The following ANK1 variants were observed in gnomAD, a reference collection of about 807,000 sequenced individuals.
ANK1 encodes the protein ankyrin-1.
A neutral mutation model predicts 210.4 loss-of-function variants in ANK1; 51 were observed. That is an observed-to-expected ratio of 0.24 (90% CI 0.19 to 0.31). The LOEUF is 0.31. Ranked by LOEUF, ANK1 falls within the 10% of genes least tolerant of loss-of-function variation. ANK1 has a pLI of 1.00. For synonymous variants in ANK1, 967 were observed against 1,025.9 expected (o/e 0.94, Z 1.10); for missense variants, 2,051 against 2,504.4 (o/e 0.82, Z 3.86).
At chr8:41,758,949 T>G (rs1839824264) in intron 1 of ANK1, among the ~76,000 whole-genome samples, 1 of 152,040 alleles carries the variant, frequency 6.6e-6, no homozygotes, top group Non-Finnish European at 1.5e-5. Context: ...CAGGATGGTC[T>G]CGAACTCCTG....
At chr8:41,853,615 A>C (rs1811646729) in intron 1 of ANK1, among the ~76,000 whole-genome samples, 1 of 152,170 alleles carries the variant, frequency 6.6e-6, no homozygotes, top group African/African-American at 2.4e-5. Context: ...AGACTAGAAT[A>C]AACTGGTTCT....
chr8:41,755,924 C>G (rs1839032893), intron 2 of ANK1, among the ~76,000 whole-genome samples: 1 of 152,148 alleles, frequency 6.6e-6, no homozygotes, highest in Admixed American at 6.5e-5. Flanking sequence ...AAATTCCAGT[C>G]AGGTCCACAT....
At chr8:41,701,828 C>A (rs1228454724) in intron 21 of ANK1, among the ~76,000 whole-genome samples, 1 of 152,220 alleles carries the variant, frequency 6.6e-6, no homozygotes, top group Non-Finnish European at 1.5e-5. Flanking sequence ...AAACCCCATC[C>A]ACTCCACTGC....
At chr8:41,768,636 G>A (rs1372967497) in intron 1 of ANK1, among the ~76,000 whole-genome samples, 1 of 152,136 alleles carries the variant, frequency 6.6e-6, no homozygotes, top group Non-Finnish European at 1.5e-5. Flanking sequence ...GGCCGCACCA[G>A]CAAGATTCCT....
chr8:41,761,801 A>G (rs890043748), intron 1 of ANK1, among the ~76,000 whole-genome samples: 2 of 152,144 alleles, frequency 1.3e-5, no homozygotes, highest in Non-Finnish European at 2.9e-5. Flanking sequence ...TCCCTAGGGC[A>G]TCAGCAGTAG....
At chr8:41,715,583 C>A (rs1390562369) in intron 14 of ANK1, 69 bp downstream of exon 14, 3 of 1,576,832 alleles carry the variant, frequency 1.9e-6, no homozygotes, top group Admixed American at 3.4e-5. Context: ...GGCAGGAATT[C>A]CCCTCCGAGC....
intron 3 of ANK1, among the ~76,000 whole-genome samples, chr8:41,729,321 TG>T (rs1831516897): frequency 6.6e-6 from 1 of 152,214 alleles, no homozygotes; most frequent in African/African-American, 2.4e-5. Context: ...TTTTAAACTT[TG>T]TAAAAGATAA....
At chr8:41,769,977 C>CTTTTT (rs59542968) in intron 1 of ANK1, among the ~76,000 whole-genome samples, 51 of 86,638 alleles carry the variant, frequency 5.9e-4, no homozygotes, top group African/African-American at 8.4e-4. Flanking sequence ...TTTCTTTTTT[C>CTTTTT]TTTTTTTTTT....
intron 26 of ANK1, among the ~76,000 whole-genome samples, chr8:41,695,595 G>A (rs117538695): frequency 0.014 from 2,107 of 152,336 alleles, 21 homozygotes; most frequent in South Asian, 0.024. Flanking sequence ...CTGCTCCTAC[G>A]ACCTAAAGAT....
At chr8:41,670,468 G>C (rs1204693041) in intron 38 of ANK1, among the ~76,000 whole-genome samples, 1 of 152,126 alleles carries the variant, frequency 6.6e-6, no homozygotes, top group Non-Finnish European at 1.5e-5. Context: ...ATAAATGCTT[G>C]TTGAAGGAAT....
At chr8:41,729,953 C>G (rs563273325) in intron 3 of ANK1, among the ~76,000 whole-genome samples, 1 of 152,338 alleles carries the variant, frequency 6.6e-6, no homozygotes, top group East Asian at 1.9e-4. Context: ...GGTCCATGGT[C>G]GGACCCATCT....
chr8:41,857,341 T>C (rs1018521575), intron 1 of ANK1, among the ~76,000 whole-genome samples: 1 of 151,690 alleles, frequency 6.6e-6, no homozygotes, highest in Non-Finnish European at 1.5e-5. Flanking sequence ...CTCATGCCTA[T>C]AATCCCAGCA....
At chr8:41,718,496 G>C (rs1228703556) in intron 10 of ANK1, among the ~76,000 whole-genome samples, 1 of 152,130 alleles carries the variant, frequency 6.6e-6, no homozygotes, top group Non-Finnish European at 1.5e-5. Flanking sequence ...AAAAGATCCT[G>C]CCATTTAAAG....
intron 1 of ANK1, among the ~76,000 whole-genome samples, chr8:41,895,303 C>A (rs1820261784): frequency 6.6e-6 from 1 of 152,004 alleles, no homozygotes; most frequent in Non-Finnish European, 1.5e-5. Flanking sequence ...TCGACTTCTT[C>A]GGGTGAAAAT....
chr8:41,858,629 C>T (rs1438043099), intron 1 of ANK1, among the ~76,000 whole-genome samples: 1 of 152,220 alleles, frequency 6.6e-6, no homozygotes, highest in African/African-American at 2.4e-5. Context: ...GAGCCTAGCT[C>T]AGGCACCAGG....
At chr8:41,719,893 T>C in intron 9 of ANK1, 35 bp from the exon 10 acceptor site, 1 of 1,609,158 alleles carries the variant, frequency 6.2e-7, no homozygotes. Context: ...AATCACAAAG[T>C]CTTCTGGGGA....
chr8:41,700,402 G>T, intron 22 of ANK1: 3 of 1,609,618 alleles, frequency 1.9e-6, no homozygotes, highest in Non-Finnish European at 2.6e-6. Context: ...AGTGAGAAAA[G>T]ACCACAGTAA....
chr8:41,719,901 G>T (rs1205621274), intron 9 of ANK1, 43 bp from the exon 10 acceptor site: 2 of 1,603,552 alleles, frequency 1.2e-6, no homozygotes, highest in South Asian at 1.1e-5. Context: ...AGTCTTCTGG[G>T]GACCGAGCAT....
chr8:41,821,791 T>TAA (rs1308075599), intron 1 of ANK1, among the ~76,000 whole-genome samples: 1 of 152,178 alleles, frequency 6.6e-6, no homozygotes, highest in African/African-American at 2.4e-5. Flanking sequence ...CTTATGCCTG[T>TAA]AATCCCAGCA....
Sources: allele counts gnomAD v4.1 joint callset (sites outside exome capture counted in the v4.1 genomes callset), GRCh38; gene constraint gnomAD v4.1.1; transcripts MANE v1.5; gene names NCBI Gene and HGNC (gene_info 2026-07-23, HGNC 2026-07-21).